The following PHACTR1 variants were observed in gnomAD, a reference collection of about 807,000 sequenced individuals.
PHACTR1 encodes RPEL repeat containing 1.
Under a neutral mutation model 69.2 loss-of-function variants are expected in PHACTR1, and 16 were observed. The ratio of observed to expected loss-of-function variants is 0.23; its 90% CI spans 0.16 to 0.35. The LOEUF is 0.35. PHACTR1 is among the 10% of genes least tolerant of loss of function. The pLI is 1.00. For synonymous variants in PHACTR1, 312 were observed against 284.5 expected (o/e 1.10, Z -0.97); for missense variants, 510 against 734.7 (o/e 0.69, Z 3.54).
At chr6:12,811,833 G>A (rs561601983) in intron 4 of PHACTR1, among the ~76,000 whole-genome samples, 78 of 152,156 alleles carry the variant, frequency 5.1e-4, no homozygotes, top group African/African-American at 1.6e-3. Context: ...CACCATACTC[G>A]GTTTCCTTTA....
chr6:12,932,656 A>G (rs1307208851), intron 4 of PHACTR1, among the ~76,000 whole-genome samples: 1 of 152,206 alleles, frequency 6.6e-6, no homozygotes, highest in East Asian at 1.9e-4. Flanking sequence ...AAGCTAAACA[A>G]TTCTGACCCC....
chr6:13,056,535 T>A (rs1806808467), intron 5 of PHACTR1, among the ~76,000 whole-genome samples: 1 of 152,174 alleles, frequency 6.6e-6, no homozygotes, highest in African/African-American at 2.4e-5. Flanking sequence ...GTCTTGTATG[T>A]ATGTGTTGTT....
intron 4 of PHACTR1, among the ~76,000 whole-genome samples, chr6:12,989,412 G>A (rs184610467): frequency 6.6e-6 from 1 of 152,310 alleles, no homozygotes; most frequent in East Asian, 1.9e-4. Context: ...ATCATCAGGA[G>A]GTGCTATCTG....
chr6:12,845,721 G>A (rs1025488334), intron 4 of PHACTR1, among the ~76,000 whole-genome samples: 1 of 152,122 alleles, frequency 6.6e-6, no homozygotes, highest in Non-Finnish European at 1.5e-5. Flanking sequence ...TTCCTTTTGT[G>A]GGCTCTGATA....
intron 14 of PHACTR1, 81 bp from the exon 15 acceptor site, chr6:13,286,982 C>T (rs1180174354): frequency 6.7e-7 from 1 of 1,487,242 alleles, no homozygotes; most frequent in South Asian, 1.2e-5. Flanking sequence ...TCAAGAACCT[C>T]CCTGAAGATG....
chr6:13,207,034 C>T (rs566079661), intron 8 of PHACTR1, among the ~76,000 whole-genome samples: 24 of 152,128 alleles, frequency 1.6e-4, no homozygotes, highest in African/African-American at 4.3e-4. Flanking sequence ...TGTGAGTGTA[C>T]GCACATACAC....
intron 5 of PHACTR1, among the ~76,000 whole-genome samples, chr6:13,146,640 A>G (rs1455918629): frequency 6.6e-6 from 1 of 152,244 alleles, no homozygotes; most frequent in Non-Finnish European, 1.5e-5. Context: ...CTTTTAGGTA[A>G]CAGGTGGTAG....
chr6:13,126,960 T>C (rs1819630964), intron 5 of PHACTR1, among the ~76,000 whole-genome samples: 1 of 152,214 alleles, frequency 6.6e-6, no homozygotes, highest in Non-Finnish European at 1.5e-5. Flanking sequence ...AGGAGAAAAG[T>C]ATACAAATGT....
At chr6:12,914,109 C>T (rs1409038011) in intron 4 of PHACTR1, among the ~76,000 whole-genome samples, 3 of 151,694 alleles carry the variant, frequency 2.0e-5, no homozygotes, top group Non-Finnish European at 2.9e-5. Context: ...GCTGGGATTA[C>T]AGGCACAAGC....
intron 4 of PHACTR1, among the ~76,000 whole-genome samples, chr6:12,850,156 TTATCTC>T (rs1387052353): frequency 3.9e-5 from 6 of 152,222 alleles, no homozygotes; most frequent in Non-Finnish European, 8.8e-5. Flanking sequence ...TTTTACCTCT[TTATCTC>T]TACTCCCTAT....
intron 6 of PHACTR1, among the ~76,000 whole-genome samples, chr6:13,171,836 G>A (rs1302588329): frequency 6.6e-6 from 1 of 151,960 alleles, no homozygotes; most frequent in Non-Finnish European, 1.5e-5. Flanking sequence ...GCGCAATCTC[G>A]GCTCACTGCA....
intron 5 of PHACTR1, among the ~76,000 whole-genome samples, chr6:13,116,849 T>G (rs2127929759): frequency 6.6e-6 from 1 of 152,316 alleles, no homozygotes; most frequent in East Asian, 1.9e-4. Flanking sequence ...AATATTATTA[T>G]CCTCGTCAGA....
intron 4 of PHACTR1, among the ~76,000 whole-genome samples, chr6:12,892,189 T>C (rs1291462785): frequency 6.6e-6 from 1 of 151,270 alleles, no homozygotes; most frequent in African/African-American, 2.4e-5. Context: ...CAGCAAGCAG[T>C]TTCACTCAGT....
At chr6:13,240,969 G>A (rs1772755847) in intron 10 of PHACTR1, among the ~76,000 whole-genome samples, 2 of 152,210 alleles carry the variant, frequency 1.3e-5, no homozygotes, top group Non-Finnish European at 2.9e-5. Context: ...TGATCTCAGA[G>A]ATGATAAAGG....
At chr6:12,979,538 C>T (rs369188094) in intron 4 of PHACTR1, among the ~76,000 whole-genome samples, 105 of 152,268 alleles carry the variant, frequency 6.9e-4, no homozygotes, top group African/African-American at 2.2e-3. Flanking sequence ...ATCCACAGAA[C>T]GGTGGCACAC....
chr6:12,964,623 T>A (rs1191000108), intron 4 of PHACTR1, among the ~76,000 whole-genome samples: 1 of 152,134 alleles, frequency 6.6e-6, no homozygotes, highest in African/African-American at 2.4e-5. Context: ...AGAATTTGAA[T>A]ACCAAGCCCA....
At chr6:13,135,298 A>G (rs1256822823) in intron 5 of PHACTR1, among the ~76,000 whole-genome samples, 1 of 152,194 alleles carries the variant, frequency 6.6e-6, no homozygotes, top group Non-Finnish European at 1.5e-5. Flanking sequence ...CGCCAGGGCC[A>G]CGTTTCTGGG....
chr6:13,086,823 G>T (rs1017768953), intron 5 of PHACTR1, among the ~76,000 whole-genome samples: 1 of 152,016 alleles, frequency 6.6e-6, no homozygotes, highest in African/African-American at 2.4e-5. Flanking sequence ...ATGTGGTAAG[G>T]GTATGTTTAA....
intron 4 of PHACTR1, among the ~76,000 whole-genome samples, chr6:12,830,797 T>C (rs1287613944): frequency 1.3e-5 from 2 of 151,940 alleles, no homozygotes; most frequent in Non-Finnish European, 2.9e-5. Flanking sequence ...GGTTTCATCA[T>C]GTTGGCCAGG....
Sources: allele counts gnomAD v4.1 joint callset (sites outside exome capture counted in the v4.1 genomes callset), GRCh38; gene constraint gnomAD v4.1.1; transcripts MANE v1.5; gene names NCBI Gene and HGNC (gene_info 2026-07-23, HGNC 2026-07-21).